Variants in NTRK3 observed in about 807,000 individuals in gnomAD.
The protein encoded by NTRK3 is NT-3 growth factor receptor.
A neutral mutation model predicts 91.7 loss-of-function variants in NTRK3; 24 were observed. That is an observed-to-expected ratio of 0.26 (90% CI 0.19 to 0.37). NTRK3 has a LOEUF of 0.37. Ranked by LOEUF, NTRK3 falls within the 10% of genes least tolerant of loss-of-function variation. NTRK3 has a pLI of 1.00. For missense variants in NTRK3, 880 were observed against 1,068.9 expected, an observed-to-expected ratio of 0.82 and a Z score of 2.46; for synonymous variants, 483 against 404.0, an observed-to-expected ratio of 1.20 and a Z score of -2.34.
chr15:88,095,722 G>T (rs2049520593), intron 13 of NTRK3, among the ~76,000 whole-genome samples: 1 of 152,214 alleles, frequency 6.6e-6, no homozygotes, highest in Non-Finnish European at 1.5e-5. Context: ...TTGAGCACCA[G>T]TAATTTGGAG....
At chr15:88,220,141 A>G (rs1240492780) in intron 3 of NTRK3, among the ~76,000 whole-genome samples, 2 of 152,350 alleles carry the variant, frequency 1.3e-5, no homozygotes, top group East Asian at 3.9e-4. Flanking sequence ...AATGAAATAA[A>G]GAAATGAAAA....
chr15:88,115,291 G>C (rs1199723657), intron 13 of NTRK3, among the ~76,000 whole-genome samples: 1 of 152,196 alleles, frequency 6.6e-6, no homozygotes, highest in Non-Finnish European at 1.5e-5. Flanking sequence ...CAGGCACAAA[G>C]CAGCGGGCTG....
At chr15:87,886,155 A>C (rs2065525849) in intron 17 of NTRK3, among the ~76,000 whole-genome samples, 1 of 152,054 alleles carries the variant, frequency 6.6e-6, no homozygotes, top group Admixed American at 6.5e-5. Context: ...GACTGAAAAA[A>C]ATTGTTGCTA....
chr15:88,081,176 G>A (rs1300392795), intron 13 of NTRK3, among the ~76,000 whole-genome samples: 1 of 152,162 alleles, frequency 6.6e-6, no homozygotes, highest in Non-Finnish European at 1.5e-5. Context: ...TGCCTGGCCA[G>A]GCTGAGATTG....
exon 19 of NTRK3, chr15:87,875,369 G>A (rs1056854506): frequency 3.5e-5 from 8 of 231,352 alleles, no homozygotes; most frequent in Non-Finnish European, 6.0e-5. Flanking sequence ...AGGCCCAGAG[G>A]TCGGCCCCAC....
At chr15:87,877,060 C>A in exon 19 of NTRK3, 1 of 1,614,074 alleles carries the variant, frequency 6.2e-7, no homozygotes, top group Non-Finnish European at 8.5e-7. Context: ...ACATCGTACA[C>A]CTCTTTGGGG....
rs374004837 is a variant in NTRK3 at position 88,135,354 on chromosome 15, C to G, written c.951G>C (p.Leu317=). ...GCACCACAAACTCGATGCAGTGCTC[C>G]AGGCGCAGCTCAGGCTCCTCCAGGC... The change falls in exon 10 of 19, where the codon CTG becomes CTC. Residue 317 remains leucine, a synonymous_variant. Transcript: ENST00000394480. 4.3e-6 allele frequency: 7 copies of G among 1,614,070 alleles called. No individual in the cohort carries two copies. The African/African-American group carries it at 9.3e-5, about 22-fold the overall frequency.
At chr15:88,142,985 C>T (rs1003736348) in intron 6 of NTRK3, among the ~76,000 whole-genome samples, 4 of 151,748 alleles carry the variant, frequency 2.6e-5, no homozygotes, top group Admixed American at 1.3e-4. Context: ...GGGGCCAAGG[C>T]GGGCAGATCA....
intron 14 of NTRK3, among the ~76,000 whole-genome samples, chr15:87,972,339 G>A (rs751296125): frequency 2.0e-5 from 3 of 152,184 alleles, no homozygotes; most frequent in Non-Finnish European, 4.4e-5. Context: ...GTTTTCTGAG[G>A]TGACATGATG....
chr15:88,107,775 G>A lies in NTRK3; in HGVS notation c.1396+18496C>T, dbSNP rs369958974. 6.8e-4 allele frequency among the ~76,000 whole-genome samples: 103 copies of A among 152,144 alleles called. 3 individuals carry two copies. In the South Asian group the frequency reaches 0.021, roughly 30 times the overall value. On this transcript the variant is annotated intron_variant, in intron 13 of 18. Coordinates refer to ENST00000394480, the Ensembl canonical transcript of NTRK3. Reference sequence around the variant, plus strand: ...GAATAGCAACATAAAAATATCACACGATCTCAGACCTGAACCCACCAAATA... The same window carrying A: ...GAATAGCAACATAAAAATATCACACAATCTCAGACCTGAACCCACCAAATA...
At chr15:88,218,284 A>G (rs949928391) in intron 3 of NTRK3, among the ~76,000 whole-genome samples, 14 of 152,156 alleles carry the variant, frequency 9.2e-5, no homozygotes, top group Admixed American at 3.9e-4. Context: ...AACCTCCTAA[A>G]GAGAAATAAA....
intron 14 of NTRK3, among the ~76,000 whole-genome samples, chr15:87,954,839 C>A (rs2071499730): frequency 1.3e-5 from 2 of 152,220 alleles, no homozygotes; most frequent in Non-Finnish European, 1.5e-5. Flanking sequence ...TCTATAAGTG[C>A]ACCCATAAAT....
At chr15:88,028,731 C>T (rs539468303) in intron 14 of NTRK3, among the ~76,000 whole-genome samples, 8 of 152,266 alleles carry the variant, frequency 5.3e-5, no homozygotes, top group South Asian at 4.1e-4. Flanking sequence ...GACAGAAGGA[C>T]GGGGCAGAGG....
At chr15:87,931,985 A>G (rs974490320) in intron 16 of NTRK3, among the ~76,000 whole-genome samples, 1 of 152,202 alleles carries the variant, frequency 6.6e-6, no homozygotes, top group African/African-American at 2.4e-5. Flanking sequence ...TGTGTGTTTA[A>G]CCTGCTTCCT....
intron 17 of NTRK3, among the ~76,000 whole-genome samples, chr15:87,915,663 A>G (rs1246409039): frequency 6.6e-6 from 1 of 152,226 alleles, no homozygotes; most frequent in East Asian, 1.9e-4. Context: ...AAGATCCATC[A>G]TAGGGAAAAC....
intron 5 of NTRK3, among the ~76,000 whole-genome samples, chr15:88,156,516 G>T (rs1341256498): frequency 6.6e-6 from 1 of 151,318 alleles, no homozygotes; most frequent in Admixed American, 6.6e-5. Context: ...GGGACAAAAT[G>T]GCATCGCCCT....
chr15:88,078,658 AAAC>A (rs997431554), intron 13 of NTRK3, among the ~76,000 whole-genome samples: 3 of 152,142 alleles, frequency 2.0e-5, no homozygotes, highest in Non-Finnish European at 2.9e-5. Flanking sequence ...TCAAAGTTAA[AAAC>A]AACAACAACA....
exon 19 of NTRK3, chr15:87,869,918 G>A (rs1447160702): frequency 2.1e-5 from 4 of 191,228 alleles, no homozygotes; most frequent in Admixed American, 6.1e-5. Flanking sequence ...ACTCCCATGT[G>A]TTCTTCTTAA....
At chr15:88,197,454 C>T (rs2047934932) in intron 3 of NTRK3, among the ~76,000 whole-genome samples, 1 of 152,200 alleles carries the variant, frequency 6.6e-6, no homozygotes, top group Admixed American at 6.5e-5. Flanking sequence ...AGGCCCAAGA[C>T]ATCCCAATGG....
Sources: gnomAD v4.1 joint callset for allele counts (sites outside exome capture counted in the v4.1 genomes callset) on GRCh38, gnomAD v4.1.1 for gene constraint, MANE v1.5 for transcripts, NCBI Gene and HGNC (gene_info 2026-07-23, HGNC 2026-07-21) for gene names.